The following ARHGAP40 variants were observed in gnomAD, a reference collection of about 807,000 sequenced individuals.
The protein encoded by ARHGAP40 is rho GTPase-activating protein 40.
Under a neutral mutation model 73.5 loss-of-function variants are expected in ARHGAP40, and 43 were observed. The observed-to-expected ratio is 0.58, with a 90% CI of 0.46 to 0.75. The LOEUF (loss-of-function observed/expected upper bound fraction) is 0.75. Among genes scored for constraint, ARHGAP40 ranks in the 30% least tolerant of loss-of-function variants. The pLI, the probability that ARHGAP40 is intolerant of heterozygous loss-of-function variation, is 0.00. For missense variants in ARHGAP40, 734 were observed against 861.8 expected, an observed-to-expected ratio of 0.85 and a Z score of 1.86; for synonymous variants, 300 against 352.8, an observed-to-expected ratio of 0.85 and a Z score of 1.68.
At chr20:38,639,443 T>C (rs1474160874) in intron 9 of ARHGAP40, 57 bp downstream of exon 9, 1 of 1,279,770 alleles carries the variant, frequency 7.8e-7, no homozygotes, top group East Asian at 5.7e-5. Flanking sequence ...TCACTGGCCT[T>C]GGTGGAGAGG....
chr20:38,649,911 T>C, exon 15 of ARHGAP40: 1 of 1,174,810 alleles, frequency 8.5e-7, no homozygotes, highest in Non-Finnish European at 1.1e-6. Context: ...TCTGTGTCCA[T>C]GTACCCAGCA....
In ARHGAP40 at chr20:38,620,408, AC is replaced by A. The variant is rs2088867955; in HGVS notation, c.138-2949del. Among the ~76,000 whole-genome samples, 4 of 152,138 alleles carry A rather than the reference AC, an allele frequency of 2.6e-5. No homozygotes were observed. The South Asian group carries it at 8.3e-4, about 32-fold the overall frequency. On this transcript the variant is annotated intron_variant, in intron 1 of 14. Coordinates refer to ENST00000373345, the Ensembl canonical transcript of ARHGAP40. The stretch of plus-strand genomic sequence containing the variant: ...TTGTTTCTGTTCTTTCCCCTCTCTG[AC>A]CTCCTCAGAATGTTCTTCCAAAGAA...
intron 5 of ARHGAP40, among the ~76,000 whole-genome samples, chr20:38,631,304 T>TAAA (rs35575772): frequency 1.2e-3 from 108 of 87,514 alleles, no homozygotes; most frequent in African/African-American, 1.7e-3. Context: ...GAGCAAGACC[T>TAAA]AAAAAAAAAA....
At chr20:38,640,857 C>T (rs888728254) in intron 9 of ARHGAP40, among the ~76,000 whole-genome samples, 14 of 152,362 alleles carry the variant, frequency 9.2e-5, no homozygotes, top group African/African-American at 2.9e-4. Flanking sequence ...TGACCCCACA[C>T]ATCATGCTGC....
intron 1 of ARHGAP40, among the ~76,000 whole-genome samples, chr20:38,607,592 G>A (rs1343134758): frequency 6.6e-6 from 1 of 152,166 alleles, no homozygotes; most frequent in African/African-American, 2.4e-5. Context: ...ATTACACCAA[G>A]CAGTTAGGCT....
At chr20:38,632,798 A>G (rs545967085) in intron 5 of ARHGAP40, among the ~76,000 whole-genome samples, 1 of 151,720 alleles carries the variant, frequency 6.6e-6, no homozygotes, top group East Asian at 2.0e-4. Context: ...CAACATAGCA[A>G]GACCCCATCT....
chr20:38,615,372 G>A lies in ARHGAP40; in HGVS notation c.138-7987G>A, dbSNP rs567959332. ...TCCACTGGTAAACCAGGGTTAAAAG[G>A]CCCCAGGTACCCACCCCAATGAGGT... On this transcript the variant is annotated intron_variant, in intron 1 of 14. Transcript: ENST00000373345. 1.1e-5 allele frequency: 8 copies of A among 749,384 alleles called. No individual in the cohort carries two copies. In the African/African-American group the frequency reaches 1.2e-4, roughly 11 times the overall value. 46.4% of individuals were successfully genotyped at this position (749,384 alleles called of 1,614,324 possible). A position where few individuals can be genotyped will look rare whatever the true frequency, so the allele number is the denominator to read the frequency against.
At chr20:38,638,476 G>C (rs1266566594) in intron 7 of ARHGAP40, among the ~76,000 whole-genome samples, 3 of 152,100 alleles carry the variant, frequency 2.0e-5, no homozygotes, top group Non-Finnish European at 4.4e-5. Flanking sequence ...GAATCTTAAA[G>C]TCAAGGGTAG....
At chr20:38,614,548 CT>C (rs2088823706) in intron 1 of ARHGAP40, among the ~76,000 whole-genome samples, 1 of 152,180 alleles carries the variant, frequency 6.6e-6, no homozygotes, top group South Asian at 2.1e-4. Flanking sequence ...ATGGCCACTC[CT>C]GCTATATCTA....
intron 1 of ARHGAP40, among the ~76,000 whole-genome samples, chr20:38,609,575 T>C (rs937983645): frequency 2.0e-5 from 3 of 152,184 alleles, no homozygotes; most frequent in African/African-American, 7.2e-5. Flanking sequence ...GCAATGACCA[T>C]GGAGGGCGGT....
At chr20:38,649,759 G>A (rs896556700) in exon 15 of ARHGAP40, 1 of 1,305,058 alleles carries the variant, frequency 7.7e-7, no homozygotes, top group Non-Finnish European at 1.0e-6. Flanking sequence ...TCCCACAGAT[G>A]AGCATCGCCT....
At chr20:38,636,820 G>A (rs1331602043) in intron 6 of ARHGAP40, among the ~76,000 whole-genome samples, 1 of 152,050 alleles carries the variant, frequency 6.6e-6, no homozygotes, top group Admixed American at 6.6e-5. Context: ...TCAACATTAT[G>A]CATTGTGATT....
intron 11 of ARHGAP40, 119 bp downstream of exon 11, chr20:38,644,029 T>A: frequency 1.1e-6 from 1 of 919,302 alleles, no homozygotes; most frequent in Non-Finnish European, 1.4e-6. Context: ...GGACCTTTGT[T>A]GGCCTCTGCA....
chr20:38,637,649 C>A, intron 6 of ARHGAP40, 59 bp from the exon 7 acceptor site: 2 of 1,238,002 alleles, frequency 1.6e-6, no homozygotes, highest in Non-Finnish European at 1.1e-6. Context: ...TCCTGTAGGT[C>A]GGAGCCCAGT....
At chr20:38,642,358 C>T (rs2089024615) in intron 10 of ARHGAP40, among the ~76,000 whole-genome samples, 1 of 152,190 alleles carries the variant, frequency 6.6e-6, no homozygotes, top group Non-Finnish European at 1.5e-5. Flanking sequence ...TCTTGACTGT[C>T]CTTCAGTCAG....
chr20:38,619,825 A>C (rs2088864870), intron 1 of ARHGAP40, among the ~76,000 whole-genome samples: 2 of 151,758 alleles, frequency 1.3e-5, no homozygotes, highest in African/African-American at 4.8e-5. Context: ...GATGGCTTAC[A>C]TGTGGAATCT....
Position 38,623,561 on chromosome 20 carries a change from G to A in ARHGAP40, c.337+3G>A, listed in dbSNP as rs2088884985. 3.1e-6 allele frequency: 4 copies of A among 1,287,782 alleles called. No individual in the cohort carries two copies. The highest frequency in any genetic ancestry group is 4.1e-6 in the Non-Finnish European group (4 of 987,078). 79.8% of individuals were successfully genotyped at this position (1,287,782 alleles called of 1,614,324 possible). Reference sequence around the variant, plus strand: ...GAATGAAGGCCAGCTTCCAGAGGGTGAGAGACCCTGGCGGGGGCCTATAGG... The same window carrying A: ...GAATGAAGGCCAGCTTCCAGAGGGTAAGAGACCCTGGCGGGGGCCTATAGG... On this transcript the variant is annotated splice_donor_region_variant and intron_variant, in intron 2 of 14. Coordinates refer to ENST00000373345, the Ensembl canonical transcript of ARHGAP40.
At chr20:38,634,188 C>T (rs1041027775) in intron 5 of ARHGAP40, among the ~76,000 whole-genome samples, 5 of 152,016 alleles carry the variant, frequency 3.3e-5, no homozygotes, top group Non-Finnish European at 5.9e-5. Context: ...CCTGTCTCTA[C>T]AAAACATACA....
chr20:38,610,985 G>T (rs1034482684), intron 1 of ARHGAP40, among the ~76,000 whole-genome samples: 1 of 151,652 alleles, frequency 6.6e-6, no homozygotes, highest in African/African-American at 2.4e-5. Flanking sequence ...CACCTCCGGG[G>T]TTTAAGCGAT....
Sources: allele counts gnomAD v4.1 joint callset (sites outside exome capture counted in the v4.1 genomes callset), GRCh38; gene constraint gnomAD v4.1.1; transcripts MANE v1.5; gene names NCBI Gene and HGNC (gene_info 2026-07-23, HGNC 2026-07-21).